BCAS3: variants seen among roughly 807,000 people sequenced by gnomAD.
The protein encoded by BCAS3 is BCAS3 microtubule associated cell migration factor, also known as BCAS4/BCAS3 fusion.
In BCAS3, 53 loss-of-function variants were observed where a neutral mutation model predicts 116.1. The observed-to-expected ratio is 0.46, with a 90% CI of 0.37 to 0.57. BCAS3 has a LOEUF of 0.57. BCAS3 is among the 20% of genes least tolerant of loss of function. The probability of loss-of-function intolerance (pLI) is 0.00; values close to 1 mark genes in which losing one functional copy is unlikely to be tolerated. For missense variants in BCAS3, 917 were observed against 1,165.4 expected, an observed-to-expected ratio of 0.79 and a Z score of 3.10; for synonymous variants, 391 against 408.2, an observed-to-expected ratio of 0.96 and a Z score of 0.51.
In BCAS3 at chr17:61,315,185, G is replaced by A. The variant is rs546157943; in HGVS notation, c.2426-53142G>A. ...GGCTGGAGTGCAGTGGCGTGATCTC[G>A]GCTCACTGCAGCCTCCGCCTCCAGG... On this transcript the variant is annotated intron_variant, in intron 22 of 23. Transcript: ENST00000407086. The surrounding 1 kb of genome is among the most constrained non-coding windows in gnomAD (Gnocchi z 5.3). Among the ~76,000 whole-genome samples, 8 of 152,072 alleles carry A rather than the reference G, an allele frequency of 5.3e-5. No homozygotes were observed. Among genetic ancestry groups the A allele is most frequent in the African/African-American group, 1.9e-4 (8 of 41,502 alleles).
chr17:61,079,976 C>T (rs1193980507), intron 21 of BCAS3, among the ~76,000 whole-genome samples: 1 of 139,182 alleles, frequency 7.2e-6, no homozygotes, highest in Non-Finnish European at 1.5e-5. Flanking sequence ...ACTGCAACAT[C>T]TAGAATGTAT....
chr17:61,086,793 A>G lies in BCAS3; in HGVS notation c.2425+2229A>G, dbSNP rs1006824514. On this transcript the variant is annotated intron_variant, in intron 22 of 23. Transcript: ENST00000407086. Reference sequence around the variant, plus strand: ...GCCTTCTTTAACTTTGAGCTAAAGAAGCCTCATAGATAAGGAATTGGACTT... The same window carrying G: ...GCCTTCTTTAACTTTGAGCTAAAGAGGCCTCATAGATAAGGAATTGGACTT... 5.1e-6 allele frequency: 5 copies of G among 985,300 alleles called. No individual in the cohort carries two copies. The African/African-American group carries it at 7.0e-5, about 14-fold the overall frequency. The allele number at this position is 985,300 out of a possible 1,614,324, so 61.0% of individuals were successfully genotyped here.
At chr17:61,135,870 C>G (rs151163264) in intron 22 of BCAS3, 2 of 152,356 alleles carry the variant, frequency 1.3e-5, no homozygotes, top group Non-Finnish European at 2.9e-5. Context: ...TACTTACTGT[C>G]GGGCTGGTTA....
In BCAS3 at chr17:60,994,022, A is replaced by G. The variant is rs2063692821; in HGVS notation, c.1486+3787A>G. ...GTGATCCATGAACAGGATAGGAAAA[A>G]AATTTACATCTTTATATTCACTATC... On this transcript the variant is annotated intron_variant, in intron 15 of 23. Transcript: ENST00000407086. The surrounding 1 kb of genome is among the most constrained non-coding windows in gnomAD (Gnocchi z 4.4). 6.6e-6 allele frequency among the ~76,000 whole-genome samples: 1 copy of G among 152,162 alleles called. No homozygotes were observed. Among genetic ancestry groups the G allele is most frequent in the East Asian group, 1.9e-4 (1 of 5,198 alleles).
intron 22 of BCAS3, among the ~76,000 whole-genome samples, chr17:61,127,733 T>C (rs950479387): frequency 6.7e-6 from 1 of 149,074 alleles, no homozygotes; most frequent in African/African-American, 2.5e-5. Context: ...ATGTCTGTCA[T>C]CATTGGTAAA....
rs536236921 is a variant in BCAS3, at chr17:61,235,742, G to GA, written c.2426-132578dup. ...AGAAGAAGGAGAAAGAAAGACAAGGGAAAAAAATGGTTAGGGAGGCTGCAA... is the reference window on the plus strand; with the variant it reads ...AGAAGAAGGAGAAAGAAAGACAAGGGAAAAAAAATGGTTAGGGAGGCTGCAA... On this transcript the variant is annotated intron_variant, in intron 22 of 23. Transcript: ENST00000407086. The surrounding 1 kb of genome is among the most constrained non-coding windows in gnomAD (Gnocchi z 5.0). Among the ~76,000 whole-genome samples, 17 of 151,774 alleles carry GA rather than the reference G, an allele frequency of 1.1e-4. No homozygotes were observed. Among genetic ancestry groups the GA allele is most frequent in the African/African-American group, 2.4e-4 (10 of 41,366 alleles).
intron 13 of BCAS3, among the ~76,000 whole-genome samples, chr17:60,926,407 T>C (rs2059367693): frequency 6.6e-6 from 1 of 152,156 alleles, no homozygotes; most frequent in Non-Finnish European, 1.5e-5. Context: ...TAAAGAATGA[T>C]AGTAAGGGAT....
At chr17:61,052,120 T>C (rs2068914283) in intron 19 of BCAS3, among the ~76,000 whole-genome samples, 1 of 151,986 alleles carries the variant, frequency 6.6e-6, no homozygotes, top group Admixed American at 6.6e-5. Context: ...TACAATTATG[T>C]CTTCAAATAT....
At chr17:61,370,445 A>T (rs1555857771) in intron 23 of BCAS3, among the ~76,000 whole-genome samples, 1 of 151,984 alleles carries the variant, frequency 6.6e-6, no homozygotes. Flanking sequence ...CTGGAGTGCT[A>T]TGGCACAATC....
intron 19 of BCAS3, among the ~76,000 whole-genome samples, chr17:61,045,865 A>ATATATATAT (rs757031336): frequency 0.014 from 56 of 3,956 alleles, 1 homozygote; most frequent in Non-Finnish European, 0.02. Flanking sequence ...ATATATATAT[A>ATATATATAT]AATATATATA....
At chr17:60,908,500 A>G (rs2058310838) in intron 11 of BCAS3, among the ~76,000 whole-genome samples, 1 of 152,200 alleles carries the variant, frequency 6.6e-6, no homozygotes, top group African/African-American at 2.4e-5. Flanking sequence ...TGAGTACATC[A>G]GTTAAGGCAT....
intron 15 of BCAS3, among the ~76,000 whole-genome samples, chr17:61,010,059 A>G (rs1416655736): frequency 1.4e-5 from 2 of 146,146 alleles, no homozygotes; most frequent in Non-Finnish European, 1.5e-5. Flanking sequence ...CGGAGTTTTC[A>G]GACTCTGTCT....
intron 6 of BCAS3, among the ~76,000 whole-genome samples, chr17:60,774,079 C>T (rs534335030): frequency 1.4e-3 from 207 of 152,050 alleles, no homozygotes; most frequent in South Asian, 2.1e-3. Flanking sequence ...AAAATATTTT[C>T]TTTCCTTCCT....
At chr17:61,206,429 A>G (rs2081127698) in intron 22 of BCAS3, among the ~76,000 whole-genome samples, 1 of 152,294 alleles carries the variant, frequency 6.6e-6, no homozygotes, top group East Asian at 1.9e-4. Context: ...ATATTAATAT[A>G]TCCATAAATG....
chr17:60,806,426 A>T (rs1291624012), intron 6 of BCAS3, among the ~76,000 whole-genome samples: 1 of 152,198 alleles, frequency 6.6e-6, no homozygotes, highest in Non-Finnish European at 1.5e-5. Flanking sequence ...AAATGCTTTT[A>T]GCCCAAATAA....
chr17:61,299,909 G>A (rs1313977594), intron 22 of BCAS3, among the ~76,000 whole-genome samples: 2 of 152,158 alleles, frequency 1.3e-5, no homozygotes, highest in Non-Finnish European at 1.5e-5. Context: ...TCAAATTTAT[G>A]TGTATGCACG....
chr17:60,810,331 G>T, intron 7 of BCAS3: 2 of 445,928 alleles, frequency 4.5e-6, no homozygotes, highest in Non-Finnish European at 8.6e-6. Context: ...CAACTTCTGG[G>T]GTGGCATGGG....
intron 22 of BCAS3, among the ~76,000 whole-genome samples, chr17:61,221,351 A>T (rs747013011): frequency 1.1e-4 from 16 of 152,116 alleles, no homozygotes; most frequent in Non-Finnish European, 1.8e-4. Flanking sequence ...ACAGTGTTGC[A>T]GGCTGCCTGA....
At chr17:61,336,884 G>A (rs1173236726) in intron 22 of BCAS3, among the ~76,000 whole-genome samples, 9 of 152,104 alleles carry the variant, frequency 5.9e-5, no homozygotes, top group African/African-American at 1.7e-4. Context: ...AGGCCAAGGC[G>A]GGCAGATCAC....
Sources: gnomAD v4.1 joint callset for allele counts (sites outside exome capture counted in the v4.1 genomes callset) on GRCh38, gnomAD v4.1.1 for gene constraint, Gnocchi (gnomAD v3.1) non-coding constraint, MANE v1.5 for transcripts, NCBI Gene and HGNC (gene_info 2026-07-23, HGNC 2026-07-21) for gene names.